The following PARP8 variants were observed in gnomAD, a reference collection of about 807,000 sequenced individuals.
PARP8 encodes the protein poly(ADP-ribose) polymerase family member 8, also known as protein mono-ADP-ribosyltransferase PARP8.
Under a neutral mutation model 124.1 loss-of-function variants are expected in PARP8, and 51 were observed. That is an observed-to-expected ratio of 0.41 (90% CI 0.33 to 0.52). The LOEUF is 0.52. PARP8 is among the 20% of genes least tolerant of loss of function. The pLI, the probability that PARP8 is intolerant of heterozygous loss-of-function variation, is 0.21. For synonymous variants in PARP8, 391 were observed against 361.5 expected, an observed-to-expected ratio of 1.08 and a Z score of -0.93; for missense variants, 860 against 1,018.9, an observed-to-expected ratio of 0.84 and a Z score of 2.12.
chr5:50,722,118 G>A (rs568245203), intron 2 of PARP8, among the ~76,000 whole-genome samples: 30 of 152,106 alleles, frequency 2.0e-4, no homozygotes, highest in South Asian at 6.2e-4. Flanking sequence ...GAAGGATGAG[G>A]GACAGCTGGA....
chr5:50,809,469 T>C (rs773002683), intron 14 of PARP8, among the ~76,000 whole-genome samples: 10 of 152,100 alleles, frequency 6.6e-5, no homozygotes, highest in Non-Finnish European at 1.5e-4. Flanking sequence ...CAAAGAAAAC[T>C]ATTTTTTATT....
intron 3 of PARP8, among the ~76,000 whole-genome samples, chr5:50,752,717 T>C (rs746383343): frequency 1.3e-5 from 2 of 152,104 alleles, no homozygotes; most frequent in Non-Finnish European, 2.9e-5. Context: ...CATTTATGAA[T>C]TCTTTCTAAT....
At position 50,832,973 on chromosome 5, in the gene PARP8, T is replaced by C. The variant is rs1747151468; in HGVS notation, c.2307+119T>C. On this transcript the variant is annotated intron_variant, in intron 23 of 25. Transcript: ENST00000281631. ...AATTATTTAATGTGGTCATTACTTA[T>C]AAAGGAATAAAACTCACTCTGAAAT... 1.1e-5 allele frequency: 9 copies of C among 814,744 alleles called. No homozygotes were observed. In the Admixed American group the frequency reaches 1.3e-4, roughly 12 times the overall value. The allele number at this position is 814,744 out of a possible 1,614,324, so 50.5% of individuals were successfully genotyped here.
At chr5:50,726,274 G>A (rs1756421810) in intron 2 of PARP8, among the ~76,000 whole-genome samples, 1 of 152,006 alleles carries the variant, frequency 6.6e-6, no homozygotes, top group Non-Finnish European at 1.5e-5. Flanking sequence ...AATTTATGGT[G>A]TTTTATTTAA....
chr5:50,675,117 G>C (rs1750461879), intron 2 of PARP8, among the ~76,000 whole-genome samples: 1 of 152,192 alleles, frequency 6.6e-6, no homozygotes, highest in South Asian at 2.1e-4. Flanking sequence ...TTTAGAGGGA[G>C]ACATCTATTG....
rs1416110734 is a variant in PARP8, at chr5:50,821,302, T to G, written c.1758T>G (p.Asp586Glu). Residue 586 changes from aspartate (D) to glutamate (E), a missense_variant, in exon 16 of 26, where the codon GAT becomes GAG. Asp to Glu is a conservative substitution (Grantham distance 45). This residue lies in a region of PARP8 where 343 missense variants were observed against 474.7 expected (regional missense o/e 0.72). Transcript: ENST00000281631. ...TCGAGCCATATCCTTCTGTGGTAGA[T>G]CCTAATGATCCTCAGATGTTGGCCT... The part of the protein sequence containing the change: ...VIFEPYPSVV[D>E]PNDPQMLAFN... 6.2e-7 allele frequency: 1 copy of G among 1,614,114 alleles called. No individual in the cohort carries two copies.
Position 50,667,129 on chromosome 5 carries a change from A to G in PARP8, c.34A>G (p.Lys12Glu). 1 of 1,596,274 alleles carries G rather than the reference A, an allele frequency of 6.3e-7. No homozygotes were observed. The highest frequency in any genetic ancestry group is 8.5e-7 in the Non-Finnish European group (1 of 1,179,736). ...GTGTTCAAGGCAAGAGCGAATTCAG[A>G]AGGATATCGACGTCGTGATCCAGAA... The part of the protein sequence containing the change: ...GMCSRQERIQ[K>E]DIDVVIQKSR... The change falls in exon 1 of 26, where the codon AAG (lysine) becomes GAG (glutamate). Residue 12 changes from lysine to glutamate, a missense_variant. Around this residue, in one of 2 missense-constraint regions of PARP8, gnomAD observed 517 missense variants for 544.2 expected, o/e 0.95. Transcript: ENST00000281631.
In PARP8 at chr5:50,817,649, C is replaced by G. The variant is rs1482079778; in HGVS notation, c.1668+2125C>G. On this transcript the variant is annotated intron_variant, in intron 15 of 25. Coordinates refer to ENST00000281631, the MANE Select transcript of PARP8 (RefSeq NM_024615.4). The stretch of plus-strand genomic sequence containing the variant: ...ATTTTATTTGTTTAGATATTGGGCT[C>G]TCATCTAAGATTTTTTTTAAATTAC... Among the ~76,000 whole-genome samples, 6 of 152,136 alleles carry G rather than the reference C, an allele frequency of 3.9e-5. 1 individual carries two copies. The highest frequency in any genetic ancestry group is 3.9e-4 in the East Asian group (2 of 5,194).
Position 50,771,092 on chromosome 5 carries a change from GCT to G in PARP8, c.519-6966_519-6965del, listed in dbSNP as rs372162458. Among the ~76,000 whole-genome samples the G allele has an allele frequency of 3.2e-3, 485 of 149,814 alleles. 1 individual carries two copies. Among genetic ancestry groups the G allele is most frequent in the African/African-American group, 0.011 (449 of 40,744 alleles). On this transcript the variant is annotated intron_variant, in intron 7 of 25. Coordinates refer to ENST00000281631, the MANE Select transcript of PARP8 (RefSeq NM_024615.4). ...GCAATTTCCTTAAAAATGGAAATGT[GCT>G]CTCTCTCTCTATATATATATATACA... is the stretch of plus-strand genomic sequence containing the variant.
In PARP8 at chr5:50,833,885, G is replaced by A. The variant is rs547854637; in HGVS notation, c.2308-94G>A. 5.6e-6 allele frequency: 5 copies of A among 887,796 alleles called. No homozygotes were observed. The East Asian group carries it at 1.0e-4, about 18-fold the overall frequency. 55.0% of individuals were successfully genotyped at this position (887,796 alleles called of 1,614,324 possible). A position where few individuals can be genotyped will look rare whatever the true frequency, so the allele number is the denominator to read the frequency against. ...ATAGGCTTTTTTTTTTTGACCTGGA[G>A]CCATCTTAGTGACTATTACTTTTTA... On this transcript the variant is annotated intron_variant, in intron 23 of 25. Coordinates refer to ENST00000281631, the MANE Select transcript of PARP8 (RefSeq NM_024615.4).
At chr5:50,739,050 T>C (rs1442529636) in intron 2 of PARP8, 7 of 702,548 alleles carry the variant, frequency 1.0e-5, no homozygotes, top group Non-Finnish European at 1.6e-5. Flanking sequence ...GTCTGCTTCC[T>C]CATTCACATC....
intron 2 of PARP8, among the ~76,000 whole-genome samples, chr5:50,701,954 A>G (rs1363468563): frequency 6.6e-6 from 1 of 152,148 alleles, no homozygotes; most frequent in Non-Finnish European, 1.5e-5. Flanking sequence ...AATGGCCGTA[A>G]TTGGGGAGTT....
At position 50,675,003 on chromosome 5, in the gene PARP8, A is replaced by T. The variant is rs572023245; in HGVS notation, c.146+6878A>T. On this transcript the variant is annotated intron_variant, in intron 2 of 25. Coordinates refer to ENST00000281631, the MANE Select transcript of PARP8 (RefSeq NM_024615.4). ...CATTACAAGATTAATAACCACAATG[A>T]CAAAAGTCTTGAATGTTATTTATTT... is the stretch of plus-strand genomic sequence containing the variant. Among the ~76,000 whole-genome samples, 3 of 152,390 alleles carry T rather than the reference A, an allele frequency of 2.0e-5. No individual in the cohort carries two copies. In the South Asian group the frequency reaches 6.2e-4, roughly 32 times the overall value.
At position 50,817,191 on chromosome 5, in the gene PARP8, A is replaced by G. The variant is rs553072788; in HGVS notation, c.1668+1667A>G. 5.9e-5 allele frequency among the ~76,000 whole-genome samples: 9 copies of G among 152,206 alleles called. No homozygotes were observed. The South Asian group carries it at 1.9e-3, about 31-fold the overall frequency. ...GAATAATAGTTGGCCTTTTAAAATCATTGTTACATCATAAAATTAATGGTT... is the reference window on the plus strand; with the variant it reads ...GAATAATAGTTGGCCTTTTAAAATCGTTGTTACATCATAAAATTAATGGTT... On this transcript the variant is annotated intron_variant, in intron 15 of 25. Coordinates refer to ENST00000281631, the MANE Select transcript of PARP8 (RefSeq NM_024615.4).
At chr5:50,817,083 T>G (rs1745188802) in intron 15 of PARP8, among the ~76,000 whole-genome samples, 1 of 152,140 alleles carries the variant, frequency 6.6e-6, no homozygotes, top group Non-Finnish European at 1.5e-5. Context: ...CAAGCTTCCC[T>G]TTAAAAAAGA....
At chr5:50,789,386 G>A (rs1333827368) in intron 10 of PARP8, among the ~76,000 whole-genome samples, 1 of 152,140 alleles carries the variant, frequency 6.6e-6, no homozygotes, top group Non-Finnish European at 1.5e-5. Flanking sequence ...AAAATCAGAA[G>A]ATCACTGATG....
At chr5:50,671,884 A>G (rs1419474231) in intron 2 of PARP8, among the ~76,000 whole-genome samples, 2 of 152,138 alleles carry the variant, frequency 1.3e-5, no homozygotes, top group Non-Finnish European at 2.9e-5. Context: ...GCATATGTAC[A>G]CCCTTTATTA....
chr5:50,770,444 A>G (rs1043382766), intron 7 of PARP8, among the ~76,000 whole-genome samples: 1 of 152,000 alleles, frequency 6.6e-6, no homozygotes, highest in African/African-American at 2.4e-5. Flanking sequence ...GGGTCATTCA[A>G]ATTATGACCA....
Position 50,795,149 on chromosome 5 carries a change from G to A in PARP8, c.1160G>A (p.Arg387Gln), listed in dbSNP as rs554189401. 1.9e-6 allele frequency: 3 copies of A among 1,614,154 alleles called. No homozygotes were observed. In the Admixed American group the frequency reaches 5.0e-5, roughly 27 times the overall value. ...CTAAAGTCGCATAGACTATTGACTC[G>A]ATCTTGTTCTGGAGATCCACGATGT... Reference protein sequence around the residue: ...LTLKSHRLLTRSCSGDPRCEH... With the variant: ...LTLKSHRLLTQSCSGDPRCEH... Residue 387 changes from arginine (R) to glutamine (Q), a missense_variant, in exon 12 of 26, where the codon CGA becomes CAA. By Grantham distance (43) the Arg-to-Gln change is conservative. This residue lies in a region of PARP8 where 517 missense variants were observed against 544.2 expected (regional missense o/e 0.95). Coordinates refer to ENST00000281631, the MANE Select transcript of PARP8 (RefSeq NM_024615.4).
Sources: gnomAD v4.1 joint callset for allele counts (sites outside exome capture counted in the v4.1 genomes callset) on GRCh38, gnomAD v4.1.1 for gene constraint, gnomAD v4.1.1 regional missense constraint, MANE v1.5 for transcripts, NCBI Gene and HGNC (gene_info 2026-07-23, HGNC 2026-07-21) for gene names.